The following LRRC4B variants were observed in gnomAD, a reference collection of about 807,000 sequenced individuals.
LRRC4B encodes leucine-rich repeat-containing protein 4B.
A neutral mutation model predicts 7.3 loss-of-function variants in LRRC4B; 1 was observed. That is an observed-to-expected ratio of 0.14 (90% CI 0.05 to 0.65). The LOEUF (loss-of-function observed/expected upper bound fraction) is 0.65. LRRC4B is among the 30% of genes least tolerant of loss of function. The pLI, the probability that LRRC4B is intolerant of heterozygous loss-of-function variation, is 0.84. For missense variants in LRRC4B, 730 were observed against 1,041.6 expected (o/e 0.70, Z 4.12); for synonymous variants, 500 against 499.2 (o/e 1.00, Z -0.02).
At chr19:50,545,886 G>T (rs1335557759) in intron 2 of LRRC4B, among the ~76,000 whole-genome samples, 1 of 151,870 alleles carries the variant, frequency 6.6e-6, no homozygotes, top group South Asian at 2.1e-4. Flanking sequence ...ACCATACCTG[G>T]CTAATTTTTG....
intron 2 of LRRC4B, among the ~76,000 whole-genome samples, chr19:50,542,469 ATTTTTTTTT>A (rs58092334): frequency 1.9e-5 from 2 of 107,236 alleles, no homozygotes; most frequent in Non-Finnish European, 3.7e-5. Context: ...AGAATTGCTG[ATTTTTTTTT>A]TTTTTTTTTT....
rs11333930 is a variant in LRRC4B at position 50,562,117 on chromosome 19, C to CA, written c.-36+5826dup. ...TGGGTGACAGAGTGAGACCCTGTCT[C>CA]AAAAAAAAAAAAAAAAAATTGAATT... On this transcript the variant is annotated intron_variant, in intron 1 of 2. Coordinates refer to ENST00000652263, the MANE Select transcript of LRRC4B (RefSeq NM_001080457.2). Among the ~76,000 whole-genome samples the CA allele has an allele frequency of 6.1e-4, 80 of 130,346 alleles. 2 individuals are homozygous for CA. The South Asian group carries it at 8.8e-3, about 14-fold the overall frequency. The allele number at this position is 130,346 out of a possible 152,430, so 85.5% of individuals were successfully genotyped here.
intron 1 of LRRC4B, among the ~76,000 whole-genome samples, chr19:50,552,626 ATTCATCCATCCGCCCATCCG>A (rs1428740297): frequency 1.6e-4 from 11 of 67,032 alleles, no homozygotes; most frequent in African/African-American, 5.4e-4. Flanking sequence ...CCATCCATCC[ATTCATCCATCCGCCCATCCG>A]TCCATCCATC....
chr19:50,535,701 G>A (rs1981250947), intron 2 of LRRC4B, among the ~76,000 whole-genome samples: 1 of 152,168 alleles, frequency 6.6e-6, no homozygotes, highest in South Asian at 2.1e-4. Context: ...GCACTGCAGG[G>A]GCCGTTGTGG....
chr19:50,567,820 T>TTC (rs1476212293), intron 1 of LRRC4B, 124 bp downstream of exon 1: 7 of 65,272 alleles, frequency 1.1e-4, no homozygotes, highest in African/African-American at 1.8e-4. Context: ...TCCTCTGCCA[T>TTC]CCCCCCCCAT....
At chr19:50,520,201 G>T (rs1980494262) in intron 2 of LRRC4B, among the ~76,000 whole-genome samples, 1 of 26,732 alleles carries the variant, frequency 3.7e-5, no homozygotes, top group Admixed American at 6.0e-4. Context: ...GTAATACCCT[G>T]TCAAAAAAAA....
intron 2 of LRRC4B, among the ~76,000 whole-genome samples, chr19:50,539,897 A>C (rs1331509917): frequency 6.6e-6 from 1 of 152,078 alleles, no homozygotes; most frequent in Non-Finnish European, 1.5e-5. Context: ...AAAAAAAAAA[A>C]AAAAAGTTAT....
chr19:50,519,494 G>A lies in LRRC4B; in HGVS notation c.298-79C>T. Reference sequence around the variant, plus strand: ...GGGATCACCAAGGTCCCGGGCGCAGGTGGGGCCGTGTGGCTGGATCTCCCG... The same window carrying A: ...GGGATCACCAAGGTCCCGGGCGCAGATGGGGCCGTGTGGCTGGATCTCCCG... On this transcript the variant is annotated intron_variant, in intron 2 of 2. Coordinates refer to ENST00000652263, the MANE Select transcript of LRRC4B (RefSeq NM_001080457.2). The surrounding 1 kb of genome is among the most constrained non-coding windows in gnomAD (Gnocchi z 8.1). 3 of 1,454,742 alleles carry A rather than the reference G, an allele frequency of 2.1e-6. No homozygotes were observed. Among genetic ancestry groups the A allele is most frequent in the Non-Finnish European group, 2.7e-6 (3 of 1,107,044 alleles). 90.1% of individuals were successfully genotyped at this position (1,454,742 alleles called of 1,614,324 possible).
At chr19:50,566,572 G>A (rs1249648838) in intron 1 of LRRC4B, among the ~76,000 whole-genome samples, 1 of 128,990 alleles carries the variant, frequency 7.8e-6, no homozygotes, top group African/African-American at 2.6e-5. Flanking sequence ...GAGAGGAGGC[G>A]AAGGGGTGGA....
chr19:50,530,367 C>T (rs936722216), intron 2 of LRRC4B, among the ~76,000 whole-genome samples: 3 of 152,212 alleles, frequency 2.0e-5, no homozygotes, highest in East Asian at 1.9e-4. Flanking sequence ...AGCCCTCACT[C>T]GGATACACGT....
chr19:50,519,553 C>A lies in LRRC4B; in HGVS notation c.298-138G>T. On this transcript the variant is annotated intron_variant, in intron 2 of 2. Transcript: ENST00000652263. This position sits in a 1 kb window ranked among gnomAD's most constrained non-coding sequence, Gnocchi z 8.1. ...TGTGACGGTACGACCTATATTGCAACATGGTTTGATGAGTTTCTTATAAAG... is the reference window on the plus strand; with the variant it reads ...TGTGACGGTACGACCTATATTGCAAAATGGTTTGATGAGTTTCTTATAAAG... The A allele has an allele frequency of 7.0e-7, 1 of 1,422,208 alleles. No individual in the cohort carries two copies. Among genetic ancestry groups the A allele is most frequent in the Non-Finnish European group, 9.2e-7 (1 of 1,088,670 alleles). 88.1% of individuals were successfully genotyped at this position (1,422,208 alleles called of 1,614,324 possible).
intron 1 of LRRC4B, among the ~76,000 whole-genome samples, chr19:50,561,989 G>A (rs935862025): frequency 2.0e-5 from 3 of 151,060 alleles, no homozygotes; most frequent in South Asian, 4.2e-4. Context: ...GTAGTGATGC[G>A]TGCCTGTAGT....
At chr19:50,530,948 A>T in intron 2 of LRRC4B, among the ~76,000 whole-genome samples, 1 of 141,168 alleles carries the variant, frequency 7.1e-6, no homozygotes, top group Non-Finnish European at 1.5e-5. Flanking sequence ...GGGTCTCTCT[A>T]TGTTGGTCAG....
intron 1 of LRRC4B, among the ~76,000 whole-genome samples, chr19:50,554,572 A>T (rs1427886748): frequency 6.6e-6 from 1 of 152,292 alleles, no homozygotes; most frequent in Non-Finnish European, 1.5e-5. Flanking sequence ...GAGCCCTCTG[A>T]CCTGGATAAC....
In LRRC4B at chr19:50,517,520, T is replaced by C. The variant is rs1980323703; in HGVS notation, c.*51A>G. On this transcript the variant is annotated 3_prime_UTR_variant, in exon 3 of 3. Transcript: ENST00000652263. The surrounding 1 kb of genome is among the most constrained non-coding windows in gnomAD (Gnocchi z 6.6). ...GGTCCCGGTCAGGCTGCGCCCGGGC[T>C]GGGACCTGGGTGGGGGGCTCCACGC... 1 of 1,359,832 alleles carries C rather than the reference T, an allele frequency of 7.4e-7. No individual in the cohort carries two copies. The highest frequency in any genetic ancestry group is 9.5e-7 in the Non-Finnish European group (1 of 1,053,850). 84.2% of individuals were successfully genotyped at this position (1,359,832 alleles called of 1,614,324 possible).
At position 50,563,187 on chromosome 19, in the gene LRRC4B, G is replaced by C. The variant is rs1329323135; in HGVS notation, c.-36+4757C>G. Among the ~76,000 whole-genome samples, 1 of 152,132 alleles carries C rather than the reference G, an allele frequency of 6.6e-6. No individual in the cohort carries two copies. The highest frequency in any genetic ancestry group is 1.9e-4 in the East Asian group (1 of 5,180). Reference sequence around the variant, plus strand: ...TGAGCCCCCATCAGCCCCTCTCGTGGGTCTCCAAGGCAGCCCCTCCACCTC... The same window carrying C: ...TGAGCCCCCATCAGCCCCTCTCGTGCGTCTCCAAGGCAGCCCCTCCACCTC... On this transcript the variant is annotated intron_variant, in intron 1 of 2. Transcript: ENST00000652263. The surrounding 1 kb of genome is among the most constrained non-coding windows in gnomAD (Gnocchi z 4.9).
intron 1 of LRRC4B, among the ~76,000 whole-genome samples, chr19:50,565,369 CTGTG>C (rs1982594727): frequency 6.6e-6 from 1 of 152,238 alleles, no homozygotes; most frequent in Non-Finnish European, 1.5e-5. Flanking sequence ...GTACGAAGGA[CTGTG>C]TGTGTCTCTG....
chr19:50,529,987 C>T (rs1980981218), intron 2 of LRRC4B, among the ~76,000 whole-genome samples: 1 of 151,658 alleles, frequency 6.6e-6, no homozygotes, highest in Non-Finnish European at 1.5e-5. Flanking sequence ...AGTGGGCCCC[C>T]CCTAGCTCAT....
At chr19:50,522,511 C>T (rs1980628769) in intron 2 of LRRC4B, among the ~76,000 whole-genome samples, 1 of 149,630 alleles carries the variant, frequency 6.7e-6, no homozygotes, top group Non-Finnish European at 1.5e-5. Context: ...GAGTCTCGCT[C>T]TGTCGCCCAG....
Sources: gnomAD v4.1 joint callset for allele counts (sites outside exome capture counted in the v4.1 genomes callset) on GRCh38, gnomAD v4.1.1 for gene constraint, Gnocchi (gnomAD v3.1) non-coding constraint, MANE v1.5 for transcripts, NCBI Gene and HGNC (gene_info 2026-07-23, HGNC 2026-07-21) for gene names.